The following GLRA1 variants were observed in gnomAD, a reference collection of about 807,000 sequenced individuals.
GLRA1 encodes glycine receptor alpha 1, also known as glycine receptor subunit alpha-1.
In GLRA1, 37 loss-of-function variants were observed where a neutral mutation model predicts 48.3. That is an observed-to-expected ratio of 0.77 (90% CI 0.59 to 1.01). GLRA1 has a LOEUF of 1.01. Among genes scored for constraint, GLRA1 ranks in the 50% least tolerant of loss-of-function variants. GLRA1 has a pLI of 0.00. For missense variants in GLRA1, 427 were observed against 571.0 expected (o/e 0.75, Z 2.57); for synonymous variants, 196 against 210.7 (o/e 0.93, Z 0.60).
chr5:151,887,821 C>T (rs79731802), intron 2 of GLRA1, among the ~76,000 whole-genome samples: 2,562 of 152,184 alleles, frequency 0.017, 66 homozygotes, highest in African/African-American at 0.059. Flanking sequence ...AATGCAAGAC[C>T]ATGGGTAAGA....
At chr5:151,835,027 C>CAAAAAAAAAAAAAAA (rs60718344) in intron 7 of GLRA1, among the ~76,000 whole-genome samples, 6 of 52,528 alleles carry the variant, frequency 1.1e-4, no homozygotes, top group African/African-American at 1.6e-4. Flanking sequence ...GACAACATCT[C>CAAAAAAAAAAAAAAA]AAAAAAAAAA....
intron 1 of GLRA1, among the ~76,000 whole-genome samples, chr5:151,909,418 A>C (rs1418299191): frequency 2.6e-5 from 4 of 152,172 alleles, no homozygotes; most frequent in African/African-American, 9.6e-5. Flanking sequence ...GTTAAGAGTA[A>C]AGTTAGGCCT....
intron 1 of GLRA1, among the ~76,000 whole-genome samples, chr5:151,907,992 A>G (rs1216445078): frequency 1.3e-5 from 2 of 152,248 alleles, no homozygotes; most frequent in African/African-American, 4.8e-5. Flanking sequence ...ATTGTTGTCC[A>G]TAATCTGGCC....
chr5:151,885,883 T>G (rs757386380), intron 3 of GLRA1, among the ~76,000 whole-genome samples: 1 of 152,188 alleles, frequency 6.6e-6, no homozygotes. Flanking sequence ...AGGGGGCAAG[T>G]TGGAAGCCAA....
intron 3 of GLRA1, among the ~76,000 whole-genome samples, chr5:151,884,132 A>G (rs1481494783): frequency 6.6e-6 from 1 of 152,158 alleles, no homozygotes; most frequent in Non-Finnish European, 1.5e-5. Flanking sequence ...ATGGACAATG[A>G]TAAACATTTT....
At position 151,924,528 on chromosome 5, in the gene GLRA1, G is replaced by A. The variant is rs1296531416; in HGVS notation, c.22C>T (p.Arg8Ter). 5.0e-6 allele frequency: 8 copies of A among 1,603,516 alleles called. No individual in the cohort carries two copies. Among genetic ancestry groups the A allele is most frequent in the Admixed American group, 1.7e-5 (1 of 60,004 alleles). Reference sequence around the variant, plus strand: ...ACAATGGTCTCCCAAAGGTAGAGTCGAAGAGTATTGAAGCTGTACATTTTT... The same window carrying A: ...ACAATGGTCTCCCAAAGGTAGAGTCAAAGAGTATTGAAGCTGTACATTTTT... MYSFNTL[R>*]LYLWETIVFF... Residue 8 changes from arginine to a stop codon, truncating the protein, a stop_gained, in exon 1 of 9, where the codon CGA becomes TGA. Coordinates refer to ENST00000274576, the MANE Select transcript of GLRA1 (RefSeq NM_000171.4). LOFTEE classifies it high-confidence loss of function.
intron 7 of GLRA1, among the ~76,000 whole-genome samples, chr5:151,836,803 G>A (rs570417934): frequency 6.6e-6 from 1 of 152,198 alleles, no homozygotes; most frequent in African/African-American, 2.4e-5. Flanking sequence ...AAGATGGATT[G>A]AGGACTTAAA....
chr5:151,864,822 C>T (rs1753290587), intron 3 of GLRA1, among the ~76,000 whole-genome samples: 1 of 152,228 alleles, frequency 6.6e-6, no homozygotes, highest in Admixed American at 6.5e-5. Flanking sequence ...ACCATCTCAC[C>T]TAGTCACTCA....
At chr5:151,851,643 G>T in intron 6 of GLRA1, 39 bp from the exon 7 acceptor site, 1 of 1,376,072 alleles carries the variant, frequency 7.3e-7, no homozygotes. Context: ...GTAGCCTGGT[G>T]AATAGGACAA....
intron 3 of GLRA1, among the ~76,000 whole-genome samples, chr5:151,876,872 A>G (rs59262176): frequency 2.6e-5 from 4 of 152,156 alleles, no homozygotes; most frequent in African/African-American, 9.7e-5. Flanking sequence ...TGAGGTCATG[A>G]GGGTGGGGCC....
At position 151,832,912 on chromosome 5, in the gene GLRA1, A is replaced by C. The variant is rs547505655; in HGVS notation, c.913-3845T>G. On this transcript the variant is annotated intron_variant, in intron 7 of 8. Transcript: ENST00000274576. ...GGCAGCCAGAGGGAAAGGTCAGGTT[A>C]CCCAGAAAGGGAAGCCCATCAGACT... is the stretch of plus-strand genomic sequence containing the variant. Among the ~76,000 whole-genome samples, 27 of 152,354 alleles carry C rather than the reference A, an allele frequency of 1.8e-4. No homozygotes were observed. In the South Asian group the frequency reaches 3.3e-3, roughly 19 times the overall value.
chr5:151,849,279 T>C (rs1478321838), intron 7 of GLRA1, among the ~76,000 whole-genome samples: 1 of 131,044 alleles, frequency 7.6e-6, no homozygotes, highest in Non-Finnish European at 1.6e-5. Flanking sequence ...TCTCTCTTCC[T>C]TTCTTTCTCT....
Position 151,822,548 on chromosome 5 carries a change from A to T in GLRA1, c.*125T>A. ...GCATCACTGCATTTTGCTATTGCAC[A>T]TATTGCAGAGAGAGTTGTGTAAGTG... On this transcript the variant is annotated 3_prime_UTR_variant, in exon 9 of 9. Transcript: ENST00000274576. The T allele has an allele frequency of 1.4e-6, 1 of 740,130 alleles. No homozygotes were observed. 45.8% of individuals were successfully genotyped at this position (740,130 alleles called of 1,614,324 possible).
At chr5:151,904,827 AGAGAGTTG>A (rs1754441021) in intron 1 of GLRA1, among the ~76,000 whole-genome samples, 1 of 152,214 alleles carries the variant, frequency 6.6e-6, no homozygotes, top group African/African-American at 2.4e-5. Context: ...ATTGATTCAA[AGAGAGTTG>A]GCAGATCTAG....
rs2113402456 is a variant in GLRA1, at chr5:151,884,259, T to C, written c.252+2462A>G. Among the ~76,000 whole-genome samples the C allele has an allele frequency of 3.3e-5, 5 of 152,120 alleles. No homozygotes were observed. In the South Asian group the frequency reaches 1.0e-3, roughly 32 times the overall value. On this transcript the variant is annotated intron_variant, in intron 3 of 8. Transcript: ENST00000274576. ...GCCTGGCTGACATGGCGAAACCCCATCTCTATCAAAAATACAAAAATTAGC... is the reference window on the plus strand; with the variant it reads ...GCCTGGCTGACATGGCGAAACCCCACCTCTATCAAAAATACAAAAATTAGC...
At chr5:151,828,324 G>A (rs1339124566) in intron 8 of GLRA1, among the ~76,000 whole-genome samples, 1 of 152,224 alleles carries the variant, frequency 6.6e-6, no homozygotes, top group Non-Finnish European at 1.5e-5. Context: ...CAGGCTGCAT[G>A]CTCCCCATTG....
intron 6 of GLRA1, among the ~76,000 whole-genome samples, chr5:151,854,118 T>C (rs1240794774): frequency 6.6e-6 from 1 of 152,202 alleles, no homozygotes; most frequent in Non-Finnish European, 1.5e-5. Context: ...TCAGTTGTGG[T>C]GATTTGACTT....
intron 7 of GLRA1, among the ~76,000 whole-genome samples, chr5:151,842,612 G>A (rs1763739537): frequency 6.6e-6 from 1 of 151,944 alleles, no homozygotes; most frequent in Non-Finnish European, 1.5e-5. Context: ...AACTGTAAAG[G>A]GCATCTATGT....
At chr5:151,913,259 C>T (rs771663982) in intron 1 of GLRA1, among the ~76,000 whole-genome samples, 2 of 152,132 alleles carry the variant, frequency 1.3e-5, no homozygotes, top group African/African-American at 2.4e-5. Context: ...CAAGACCATA[C>T]AGCAAGGAAG....
Sources: gnomAD v4.1 joint callset for allele counts (sites outside exome capture counted in the v4.1 genomes callset) on GRCh38, gnomAD v4.1.1 for gene constraint, MANE v1.5 for transcripts, NCBI Gene and HGNC (gene_info 2026-07-23, HGNC 2026-07-21) for gene names.